Variants in IL16 observed in about 807,000 individuals in gnomAD.
IL16 encodes the protein pro-interleukin-16.
In IL16, 67 loss-of-function variants were observed where a neutral mutation model predicts 110.1. That is an observed-to-expected ratio of 0.61 (90% confidence interval 0.50 to 0.75). IL16 has a LOEUF of 0.75. Ranked by LOEUF, IL16 falls within the 30% of genes least tolerant of loss-of-function variation. The pLI is 0.00. For synonymous variants in IL16, 689 were observed against 662.9 expected, an observed-to-expected ratio of 1.04 and a Z score of -0.61; for missense variants, 1,545 against 1,655.0, an observed-to-expected ratio of 0.93 and a Z score of 1.15.
At chr15:81,243,165 T>A (rs7181986) in intron 2 of IL16, among the ~76,000 whole-genome samples, 115 of 13,330 alleles carry the variant, frequency 8.6e-3, no homozygotes, top group Middle Eastern at 0.083. Context: ...ATATATATAT[T>A]TTTTTTTTTT....
intron 3 of IL16, among the ~76,000 whole-genome samples, chr15:81,263,352 T>C (rs1898235302): frequency 6.7e-6 from 1 of 149,452 alleles, no homozygotes; most frequent in Non-Finnish European, 1.5e-5. Context: ...AACTATTTTT[T>C]TTTGTTTTTT....
At chr15:81,293,311 A>C (rs1489619771) in intron 12 of IL16, among the ~76,000 whole-genome samples, 1 of 152,172 alleles carries the variant, frequency 6.6e-6, no homozygotes, top group East Asian at 1.9e-4. Context: ...GTCATTTTTC[A>C]CTCACCATGA....
chr15:81,232,444 T>C (rs965266573), intron 2 of IL16, among the ~76,000 whole-genome samples: 1 of 152,232 alleles, frequency 6.6e-6, no homozygotes, highest in Non-Finnish European at 1.5e-5. Context: ...ATTATTATTA[T>C]GTCTGTACAT....
chr15:81,306,509 G>A lies in IL16; in HGVS notation c.3769G>A (p.Gly1257Arg), dbSNP rs1567048934. 3.1e-6 allele frequency: 5 copies of A among 1,613,768 alleles called. No individual in the cohort carries two copies. Among genetic ancestry groups the A allele is most frequent in the African/African-American group, 1.3e-5 (1 of 75,024 alleles). ...GGAAGGAGGGAAGGGCTCCCTACAC[G>A]GAGACAAGCCTCTCACCATTAACAG... ...SLEGGKGSLH[G>R]DKPLTINRIF... The change falls in exon 18 of 19, where the codon GGA becomes AGA. Residue 1257 changes from glycine (G) to arginine (R), a missense_variant. Physicochemically the swap from Gly to Arg is moderately radical, Grantham distance 125. Coordinates refer to ENST00000683961, the MANE Select transcript of IL16 (RefSeq NM_172217.5).
intron 1 of IL16, among the ~76,000 whole-genome samples, chr15:81,190,434 C>T (rs906921411): frequency 3.3e-5 from 5 of 152,204 alleles, no homozygotes; most frequent in African/African-American, 7.2e-5. Context: ...GTTACAAGGA[C>T]AAGAACTGAC....
intron 2 of IL16, among the ~76,000 whole-genome samples, chr15:81,249,272 G>T (rs1296565810): frequency 6.6e-6 from 1 of 152,074 alleles, no homozygotes. Context: ...AGATTTACCT[G>T]AATATCAACT....
chr15:81,205,903 T>C (rs1435310042), intron 1 of IL16, among the ~76,000 whole-genome samples: 3 of 151,840 alleles, frequency 2.0e-5, no homozygotes, highest in Non-Finnish European at 2.9e-5. Flanking sequence ...GAGGCAACTA[T>C]TAAATAGATC....
At chr15:81,242,178 C>T (rs536128621) in intron 2 of IL16, among the ~76,000 whole-genome samples, 52 of 152,122 alleles carry the variant, frequency 3.4e-4, no homozygotes, top group Middle Eastern at 6.8e-3. Flanking sequence ...AGACTGATTC[C>T]GCCCATTTTA....
chr15:81,214,191 C>T lies in IL16; in HGVS notation c.-101-11108C>T, dbSNP rs370763271. The stretch of plus-strand genomic sequence containing the variant: ...TTTAGCTTTCTTTCACTTATGAAAC[C>T]TAGTTTGCTTTACTTATAAAGCTTA... On this transcript the variant is annotated intron_variant, in intron 1 of 18. Coordinates refer to ENST00000683961, the MANE Select transcript of IL16 (RefSeq NM_172217.5). Among the ~76,000 whole-genome samples, 10 of 152,018 alleles carry T rather than the reference C, an allele frequency of 6.6e-5. No individual in the cohort carries two copies. The East Asian group carries it at 7.7e-4, about 12-fold the overall frequency.
chr15:81,246,633 C>T (rs1199136478), intron 2 of IL16, among the ~76,000 whole-genome samples: 1 of 152,002 alleles, frequency 6.6e-6, no homozygotes, highest in African/African-American at 2.4e-5. Flanking sequence ...CACACTGATA[C>T]CATGCTCATC....
At chr15:81,265,599 T>A in intron 3 of IL16, 60 bp from the exon 4 acceptor site, 1 of 1,589,050 alleles carries the variant, frequency 6.3e-7, no homozygotes, top group Non-Finnish European at 8.6e-7. Flanking sequence ...TTGTTCTTAG[T>A]TGAACTTTGC....
chr15:81,182,766 C>A, exon 1 of IL16: 1 of 712,868 alleles, frequency 1.4e-6, no homozygotes, highest in South Asian at 1.5e-5. Context: ...TACTCCCAGC[C>A]GAGAAGCTGC....
At chr15:81,222,242 G>A (rs977409015) in intron 1 of IL16, among the ~76,000 whole-genome samples, 1 of 152,020 alleles carries the variant, frequency 6.6e-6, no homozygotes, top group Non-Finnish European at 1.5e-5. Flanking sequence ...GGCCTTGACT[G>A]GGTATGATGG....
intron 2 of IL16, among the ~76,000 whole-genome samples, chr15:81,230,038 G>C (rs147425212): frequency 6.6e-6 from 1 of 152,144 alleles, no homozygotes. Flanking sequence ...AATGCCCCAG[G>C]ATGTGCCAAA....
intron 12 of IL16, among the ~76,000 whole-genome samples, chr15:81,296,045 T>C (rs761738551): frequency 2.6e-5 from 4 of 152,172 alleles, no homozygotes; most frequent in Non-Finnish European, 5.9e-5. Flanking sequence ...TTTCTCAATC[T>C]TTTTTTCCAG....
At chr15:81,212,603 C>G (rs981357693) in intron 1 of IL16, among the ~76,000 whole-genome samples, 3 of 152,084 alleles carry the variant, frequency 2.0e-5, no homozygotes, top group African/African-American at 7.2e-5. Flanking sequence ...TCCCAAGTAA[C>G]TGGGATTACA....
chr15:81,202,982 A>G (rs1895875399), intron 1 of IL16, among the ~76,000 whole-genome samples: 2 of 151,950 alleles, frequency 1.3e-5, no homozygotes, highest in South Asian at 4.2e-4. Flanking sequence ...CCTCTCCAGC[A>G]CCTGTTGTTT....
chr15:81,294,068 A>G (rs1899871859), intron 12 of IL16, among the ~76,000 whole-genome samples: 1 of 152,188 alleles, frequency 6.6e-6, no homozygotes, highest in South Asian at 2.1e-4. Context: ...CACCGTGGGC[A>G]GGTGGGAGGG....
At chr15:81,202,157 A>G (rs932832639) in intron 1 of IL16, among the ~76,000 whole-genome samples, 1 of 152,230 alleles carries the variant, frequency 6.6e-6, no homozygotes, top group Non-Finnish European at 1.5e-5. Flanking sequence ...TTACTGAGCA[A>G]TTGATAGAGG....
Sources: gnomAD v4.1 joint callset for allele counts (sites outside exome capture counted in the v4.1 genomes callset) on GRCh38, gnomAD v4.1.1 for gene constraint, MANE v1.5 for transcripts, NCBI Gene and HGNC (gene_info 2026-07-23, HGNC 2026-07-21) for gene names.